The following PARP8 variants were observed in gnomAD, a reference collection of about 807,000 sequenced individuals.
PARP8 encodes poly(ADP-ribose) polymerase family member 8.
Under a neutral mutation model 124.1 loss-of-function variants are expected in PARP8, and 51 were observed. The observed-to-expected ratio is 0.41, with a 90% CI of 0.33 to 0.52. The LOEUF is 0.52. Ranked by LOEUF, PARP8 falls within the 20% of genes least tolerant of loss-of-function variation. The pLI is 0.21. For missense variants in PARP8, 860 were observed against 1,018.9 expected (o/e 0.84, Z 2.12); for synonymous variants, 391 against 361.5 (o/e 1.08, Z -0.93).
In PARP8 at chr5:50,795,337, G is replaced by A. The variant is rs964513155; in HGVS notation, c.1348G>A (p.Ala450Thr). 4.3e-6 allele frequency: 7 copies of A among 1,613,990 alleles called. No homozygotes were observed. The highest frequency in any genetic ancestry group is 2.7e-5 in the African/African-American group (2 of 74,906). ...AACTGAGCTTTTCAAGGAACCTAAC[G>A]CAGAGGGCAGGAGGCTCTCTCTTAC... ...SKTELFKEPNAEGRRLSLTSG... is the reference protein window; with the variant it reads ...SKTELFKEPNTEGRRLSLTSG... The change falls in exon 12 of 26, where the codon GCA (alanine) becomes ACA (threonine). Residue 450 changes from alanine (A) to threonine (T), a missense_variant. Transcript: ENST00000281631.
chr5:50,751,333 T>A (rs1449233980), intron 3 of PARP8, among the ~76,000 whole-genome samples: 1 of 152,122 alleles, frequency 6.6e-6, no homozygotes, highest in East Asian at 1.9e-4. Flanking sequence ...AAAAAAAGTA[T>A]TGATTATCAT....
At chr5:50,788,035 A>G (rs965955963) in intron 9 of PARP8, among the ~76,000 whole-genome samples, 12 of 149,620 alleles carry the variant, frequency 8.0e-5, no homozygotes, top group African/African-American at 2.4e-4. Context: ...CCATTGTTTT[A>G]TTCTAAAAAT....
At position 50,682,564 on chromosome 5, in the gene PARP8, T is replaced by TA. The variant is rs578021479; in HGVS notation, c.146+14448dup. Among the ~76,000 whole-genome samples the TA allele has an allele frequency of 1.7e-4, 26 of 151,568 alleles. No homozygotes were observed. The South Asian group carries it at 2.9e-3, about 17-fold the overall frequency. Reference sequence around the variant, plus strand: ...ATTTTAAGTATCAAATATTTTAAGTTAAAAAAAAATTACCAGTGTCCCACA... The same window carrying TA: ...ATTTTAAGTATCAAATATTTTAAGTTAAAAAAAAAATTACCAGTGTCCCACA... On this transcript the variant is annotated intron_variant, in intron 2 of 25. Coordinates refer to ENST00000281631, the MANE Select transcript of PARP8 (RefSeq NM_024615.4).
Position 50,828,400 on chromosome 5 carries a change from G to C in PARP8, c.2163+16G>C. 1 of 1,597,190 alleles carries C rather than the reference G, an allele frequency of 6.3e-7. No homozygotes were observed. The highest frequency in any genetic ancestry group is 8.6e-7 in the Non-Finnish European group (1 of 1,165,494). On this transcript the variant is annotated intron_variant, in intron 21 of 25. Coordinates refer to ENST00000281631, the MANE Select transcript of PARP8 (RefSeq NM_024615.4). The stretch of plus-strand genomic sequence containing the variant: ...ACGATTGCAGGTAGATTTTCTGAAT[G>C]CTTTCACAAGACTTCATTCTTCTTC...
chr5:50,667,458 C>T lies in PARP8; in HGVS notation c.91+272C>T. On this transcript the variant is annotated intron_variant, in intron 1 of 25. Coordinates refer to ENST00000281631, the MANE Select transcript of PARP8 (RefSeq NM_024615.4). Reference sequence around the variant, plus strand: ...CGGGGGTCTAGGCGAAGGGGCAGTGCGTGGTATTTCCAGCCCCGCGTAGTG... The same window carrying T: ...CGGGGGTCTAGGCGAAGGGGCAGTGTGTGGTATTTCCAGCCCCGCGTAGTG... 4 of 700,364 alleles carry T rather than the reference C, an allele frequency of 5.7e-6. No homozygotes were observed. In the South Asian group the frequency reaches 5.9e-5, roughly 10 times the overall value. 43.4% of individuals were successfully genotyped at this position (700,364 alleles called of 1,614,324 possible). A position where few individuals can be genotyped will look rare whatever the true frequency, so the allele number is the denominator to read the frequency against.
In PARP8 at chr5:50,756,330, G is replaced by A. The variant is rs113762346; in HGVS notation, c.185-3313G>A. On this transcript the variant is annotated intron_variant, in intron 3 of 25. Transcript: ENST00000281631. ...ATTGGCTGTGGGTTTGTCATAGATA[G>A]CTCTTATTATTTTGAGATACATCCC... 4.9e-3 allele frequency among the ~76,000 whole-genome samples: 750 copies of A among 152,134 alleles called. 8 individuals carry two copies. Among genetic ancestry groups the A allele is most frequent in the African/African-American group, 0.017 (723 of 41,500 alleles).
chr5:50,702,981 A>T (rs1753750817), intron 2 of PARP8, among the ~76,000 whole-genome samples: 1 of 152,166 alleles, frequency 6.6e-6, no homozygotes, highest in Non-Finnish European at 1.5e-5. Context: ...GAGTTGTACA[A>T]ACAAACCAGA....
intron 2 of PARP8, among the ~76,000 whole-genome samples, chr5:50,680,558 C>T (rs1751174170): frequency 6.6e-6 from 1 of 152,078 alleles, no homozygotes; most frequent in Non-Finnish European, 1.5e-5. Flanking sequence ...AAGGAAATAC[C>T]AATTAGCAAA....
chr5:50,782,966 G>T (rs186685755), intron 9 of PARP8, among the ~76,000 whole-genome samples: 11 of 152,186 alleles, frequency 7.2e-5, no homozygotes, highest in Non-Finnish European at 1.0e-4. Flanking sequence ...CACGGGAAAG[G>T]GATGGTATGC....
At chr5:50,827,268 C>G (rs1393651937) in intron 19 of PARP8, among the ~76,000 whole-genome samples, 2 of 152,044 alleles carry the variant, frequency 1.3e-5, no homozygotes, top group African/African-American at 4.8e-5. Context: ...TGATCATCAC[C>G]TAAGATCTGT....
At chr5:50,724,731 T>C (rs1756239890) in intron 2 of PARP8, among the ~76,000 whole-genome samples, 1 of 151,966 alleles carries the variant, frequency 6.6e-6, no homozygotes, top group African/African-American at 2.4e-5. Context: ...GCTTTGGGGG[T>C]ACAAGTGGTT....
intron 1 of PARP8, chr5:50,667,810 C>A: frequency 9.4e-7 from 1 of 1,067,548 alleles, no homozygotes; most frequent in Non-Finnish European, 1.4e-6. Context: ...GCTGAGGCTG[C>A]TTCCGGCCTC....
chr5:50,771,542 A>T (rs1761629357), intron 7 of PARP8, among the ~76,000 whole-genome samples: 2 of 152,378 alleles, frequency 1.3e-5, no homozygotes, highest in Non-Finnish European at 2.9e-5. Context: ...TATTTTGGTC[A>T]TAGATATCAA....
In PARP8 at chr5:50,666,989, C is replaced by T; in HGVS notation, c.-107C>T. The T allele has an allele frequency of 2.6e-6, 4 of 1,562,298 alleles. No individual in the cohort carries two copies. The South Asian group carries it at 4.6e-5, about 18-fold the overall frequency. ...ACCACTTCGCCTTCAGCCCCTGCCTCGGCCAGAGGTTTCATTTTTAACTGA... is the reference window on the plus strand; with the variant it reads ...ACCACTTCGCCTTCAGCCCCTGCCTTGGCCAGAGGTTTCATTTTTAACTGA... On this transcript the variant is annotated 5_prime_UTR_variant, in exon 1 of 26. Coordinates refer to ENST00000281631, the MANE Select transcript of PARP8 (RefSeq NM_024615.4).
intron 2 of PARP8, among the ~76,000 whole-genome samples, chr5:50,748,281 T>C (rs1394742165): frequency 2.0e-5 from 3 of 152,168 alleles, no homozygotes; most frequent in African/African-American, 7.2e-5. Context: ...TTACATCATA[T>C]GTAAGGATTT....
intron 7 of PARP8, among the ~76,000 whole-genome samples, chr5:50,765,216 C>T: frequency 6.6e-6 from 1 of 151,276 alleles, no homozygotes; most frequent in Non-Finnish European, 1.5e-5. Context: ...GAGCTGAGAT[C>T]GTGGCATTGC....
chr5:50,814,741 A>G (rs1288933459), intron 14 of PARP8, among the ~76,000 whole-genome samples: 3 of 152,118 alleles, frequency 2.0e-5, no homozygotes, highest in Non-Finnish European at 4.4e-5. Flanking sequence ...GGCACCGTGG[A>G]TTGCATCGTG....
chr5:50,699,254 G>A (rs1325985408), intron 2 of PARP8, among the ~76,000 whole-genome samples: 5 of 152,166 alleles, frequency 3.3e-5, no homozygotes, highest in Non-Finnish European at 7.4e-5. Flanking sequence ...ATTGAGAAGG[G>A]CCTCCAGCAC....
intron 3 of PARP8, among the ~76,000 whole-genome samples, chr5:50,751,972 A>G (rs1230862041): frequency 1.3e-5 from 2 of 152,098 alleles, no homozygotes; most frequent in East Asian, 3.8e-4. Flanking sequence ...TTCCTTTCCA[A>G]CATTTATACC....
Sources: allele counts gnomAD v4.1 joint callset (sites outside exome capture counted in the v4.1 genomes callset), GRCh38; gene constraint gnomAD v4.1.1; transcripts MANE v1.5; gene names NCBI Gene and HGNC (gene_info 2026-07-23, HGNC 2026-07-21).